Variants in PACC1 observed in about 807,000 individuals in gnomAD.
PACC1 encodes proton-activated chloride channel.
In PACC1, 34 loss-of-function variants were observed where a neutral mutation model predicts 39.7. The ratio of observed to expected loss-of-function variants is 0.86; its 90% CI spans 0.65 to 1.14. The LOEUF (loss-of-function observed/expected upper bound fraction) is 1.14, where lower values mean the gene tolerates loss of function less well. PACC1 is among the 50% of genes most tolerant of loss of function. The pLI, the probability that PACC1 is intolerant of heterozygous loss-of-function variation, is 0.00. For synonymous variants in PACC1, 127 were observed against 160.6 expected (o/e 0.79, Z 1.58); for missense variants, 379 against 436.4 (o/e 0.87, Z 1.17).
intron 2 of PACC1, among the ~76,000 whole-genome samples, chr1:212,400,977 C>T (rs1053774568): frequency 6.6e-6 from 1 of 152,192 alleles, no homozygotes; most frequent in African/African-American, 2.4e-5. Flanking sequence ...TGTGAAACTC[C>T]ACCTTGCAGG....
chr1:212,410,212 T>C, intron 2 of PACC1: 1 of 564,210 alleles, frequency 1.8e-6, no homozygotes, highest in South Asian at 2.1e-5. Context: ...CCTCAGGAAG[T>C]GGCTCAAATT....
intron 1 of PACC1, 103 bp from the exon 2 acceptor site, chr1:212,410,624 C>CA (rs1662090934): frequency 9.9e-6 from 10 of 1,012,224 alleles, no homozygotes; most frequent in Non-Finnish European, 1.6e-5. Context: ...TAATTGTCAC[C>CA]AAAAACCACA....
Position 212,364,811 on chromosome 1 carries a change from T to G in PACC1, c.*404A>C, listed in dbSNP as rs1023859452. 3 of 153,022 alleles carry G rather than the reference T, an allele frequency of 2.0e-5. No individual in the cohort carries two copies. Among genetic ancestry groups the G allele is most frequent in the African/African-American group, 7.2e-5 (3 of 41,450 alleles). 9.5% of individuals were successfully genotyped at this position (153,022 alleles called of 1,614,324 possible). ...ACCTGCACGTCTTGATACTCAGGAA[T>G]TTTTGGAAAAAGAAAATCACACTCT... On this transcript the variant is annotated 3_prime_UTR_variant, in exon 8 of 8. Coordinates refer to ENST00000261455, the MANE Select transcript of PACC1 (RefSeq NM_018252.3).
chr1:212,414,265 G>A (rs1341435456), intron 1 of PACC1, among the ~76,000 whole-genome samples: 1 of 152,232 alleles, frequency 6.6e-6, no homozygotes, highest in Non-Finnish European at 1.5e-5. Context: ...GGACAGCGAG[G>A]CCTTGGGCTT....
intron 2 of PACC1, among the ~76,000 whole-genome samples, chr1:212,396,524 ATG>A (rs1471563689): frequency 1.3e-5 from 2 of 152,034 alleles, no homozygotes; most frequent in Non-Finnish European, 2.9e-5. Flanking sequence ...AACATGGCAC[ATG>A]TATACATATG....
chr1:212,372,320 C>T (rs1463089443), intron 7 of PACC1, among the ~76,000 whole-genome samples: 2 of 145,864 alleles, frequency 1.4e-5, no homozygotes, highest in Admixed American at 1.4e-4. Flanking sequence ...AAAAAAAAAA[C>T]AAAAAACTCA....
chr1:212,414,828 G>A lies in PACC1; in HGVS notation c.-71C>T. ...GGCGCACGGACGCAGCACTGCGGCCGCTGCACCTGGACCTACCGGCTCCGC... is the reference window on the plus strand; with the variant it reads ...GGCGCACGGACGCAGCACTGCGGCCACTGCACCTGGACCTACCGGCTCCGC... On this transcript the variant is annotated 5_prime_UTR_variant, in exon 1 of 8. Transcript: ENST00000261455. 1.9e-6 allele frequency: 3 copies of A among 1,591,824 alleles called. No homozygotes were observed. Among genetic ancestry groups the A allele is most frequent in the African/African-American group, 1.3e-5 (1 of 74,500 alleles).
At chr1:212,402,313 C>T (rs1175309985) in intron 2 of PACC1, among the ~76,000 whole-genome samples, 2 of 152,190 alleles carry the variant, frequency 1.3e-5, no homozygotes, top group African/African-American at 4.8e-5. Context: ...TCTCTACATC[C>T]TTGCCAAAAC....
chr1:212,375,248 T>A lies in PACC1; in HGVS notation c.836A>T (p.Gln279Leu), dbSNP rs558736345. Reference sequence around the variant, plus strand: ...CCATTCAAAGACCACAAAAAACAATTGAGCACTTTTTTTGGCAGCTGGCCT... The same window carrying A: ...CCATTCAAAGACCACAAAAAACAATAGAGCACTTTTTTTGGCAGCTGGCCT... ...DQRPAAKKSAQLFFVVFEWKD... is the reference protein window; with the variant it reads ...DQRPAAKKSALLFFVVFEWKD... Residue 279 changes from glutamine (Q) to leucine (L), a missense_variant, in exon 7 of 8, where the codon CAA becomes CTA. By Grantham distance (113) the Gln-to-Leu change is moderately radical (BLOSUM62 -2). Transcript: ENST00000261455. The A allele has an allele frequency of 6.2e-7, 1 of 1,613,986 alleles. No homozygotes were observed. The highest frequency in any genetic ancestry group is 1.3e-5 in the African/African-American group (1 of 75,036).
intron 2 of PACC1, among the ~76,000 whole-genome samples, chr1:212,399,487 G>A (rs189089160): frequency 2.0e-5 from 3 of 151,548 alleles, no homozygotes; most frequent in African/African-American, 4.9e-5. Context: ...TAAGAGACAC[G>A]GTCTCACTCT....
At chr1:212,389,400 AT>A (rs1661222332) in intron 2 of PACC1, among the ~76,000 whole-genome samples, 1 of 152,224 alleles carries the variant, frequency 6.6e-6, no homozygotes, top group African/African-American at 2.4e-5. Context: ...TGCAGGGGAG[AT>A]AGGAGTTTAG....
At chr1:212,392,201 G>A (rs1297111534) in intron 2 of PACC1, among the ~76,000 whole-genome samples, 1 of 152,138 alleles carries the variant, frequency 6.6e-6, no homozygotes, top group Non-Finnish European at 1.5e-5. Context: ...GAGAAAGGTC[G>A]GGTTACCCAC....
rs1475065572 is a variant in PACC1 at position 212,377,657 on chromosome 1, A to C, written c.688T>G (p.Trp230Gly). The C allele has an allele frequency of 5.0e-6, 8 of 1,614,088 alleles. No individual in the cohort carries two copies. The highest frequency in any genetic ancestry group is 6.8e-6 in the Non-Finnish European group (8 of 1,180,030). ...MQACESAYSSWKFSGGFRTWV... is the reference protein window; with the variant it reads ...MQACESAYSSGKFSGGFRTWV... ...GTGCGGAAGCCCCCAGAGAACTTCC[A>C]GCTGGAATAGGCACTCTCACAGGCC... Residue 230 changes from tryptophan to glycine, a missense_variant, in exon 6 of 8, where the codon TGG (tryptophan) becomes GGG (glycine). Coordinates refer to ENST00000261455, the MANE Select transcript of PACC1 (RefSeq NM_018252.3).
In PACC1 at chr1:212,365,147, G is replaced by A. The variant is rs921048417; in HGVS notation, c.*68C>T. On this transcript the variant is annotated 3_prime_UTR_variant, in exon 8 of 8. Coordinates refer to ENST00000261455, the MANE Select transcript of PACC1 (RefSeq NM_018252.3). ...TGAGTACAGGATTGTTGATAGCTCCGTTTACAAAGTGGAAGTGATGACAGC... is the reference window on the plus strand; with the variant it reads ...TGAGTACAGGATTGTTGATAGCTCCATTTACAAAGTGGAAGTGATGACAGC... The A allele has an allele frequency of 2.0e-5, 30 of 1,510,178 alleles. No homozygotes were observed. Among genetic ancestry groups the A allele is most frequent in the Middle Eastern group, 1.8e-4 (1 of 5,702 alleles). The allele number at this position is 1,510,178 out of a possible 1,614,324, so 93.5% of individuals were successfully genotyped here.
At chr1:212,406,334 T>C (rs1276906031) in intron 2 of PACC1, among the ~76,000 whole-genome samples, 1 of 152,010 alleles carries the variant, frequency 6.6e-6, no homozygotes, top group East Asian at 1.9e-4. Flanking sequence ...CTGGCCAACA[T>C]GGCAAAACCT....
Position 212,386,547 on chromosome 1 carries a change from C to T in PACC1, c.343+344G>A, listed in dbSNP as rs779052449. On this transcript the variant is annotated intron_variant, in intron 3 of 7. Coordinates refer to ENST00000261455, the MANE Select transcript of PACC1 (RefSeq NM_018252.3). This position sits in a 1 kb window ranked among gnomAD's most constrained non-coding sequence, Gnocchi z 5.0. ...CATCCTCTCCAGAGAAGCCCTCTGCCTCCCTAGACACCCCTTCGCTCTGCT... is the reference window on the plus strand; with the variant it reads ...CATCCTCTCCAGAGAAGCCCTCTGCTTCCCTAGACACCCCTTCGCTCTGCT... Among the ~76,000 whole-genome samples, 1 of 152,136 alleles carries T rather than the reference C, an allele frequency of 6.6e-6. No individual in the cohort carries two copies. Among genetic ancestry groups the T allele is most frequent in the African/African-American group, 2.4e-5 (1 of 41,410 alleles).
intron 2 of PACC1, among the ~76,000 whole-genome samples, chr1:212,404,162 A>G (rs961585732): frequency 1.3e-5 from 2 of 151,932 alleles, no homozygotes; most frequent in Non-Finnish European, 2.9e-5. Context: ...GCTGGAGTAC[A>G]GTGGCGCGAT....
chr1:212,378,726 G>A (rs1441298053), intron 5 of PACC1, among the ~76,000 whole-genome samples: 1 of 152,190 alleles, frequency 6.6e-6, no homozygotes, highest in East Asian at 1.9e-4. Context: ...AGGTGGCAGA[G>A]CTTATATCCT....
intron 7 of PACC1, among the ~76,000 whole-genome samples, chr1:212,373,804 T>G (rs1379134502): frequency 1.3e-5 from 2 of 152,156 alleles, no homozygotes; most frequent in East Asian, 3.9e-4. Flanking sequence ...CAAAATAAGG[T>G]TATCACCTCC....
Sources: gnomAD v4.1 joint callset for allele counts (sites outside exome capture counted in the v4.1 genomes callset) on GRCh38, gnomAD v4.1.1 for gene constraint, Gnocchi (gnomAD v3.1) non-coding constraint, MANE v1.5 for transcripts, NCBI Gene and HGNC (gene_info 2026-07-23, HGNC 2026-07-21) for gene names.